The following NCCRP1 variants were observed in gnomAD, a reference collection of about 807,000 sequenced individuals.
NCCRP1 encodes F-box only protein 50.
NCCRP1 carries 32 observed loss-of-function variants against 34.4 expected under a neutral mutation model. That is an observed-to-expected ratio of 0.93 (90% CI 0.70 to 1.25). NCCRP1 has a LOEUF of 1.25. Ranked by LOEUF, NCCRP1 falls within the 50% of genes most tolerant of loss-of-function variation. The pLI is 0.00. For synonymous variants in NCCRP1, 172 were observed against 180.1 expected (o/e 0.95, Z 0.36); for missense variants, 372 against 391.8 (o/e 0.95, Z 0.43).
rs1306710606 is a variant in NCCRP1, at chr19:39,198,194, A to G, written c.401-8A>G. 1.2e-6 allele frequency: 2 copies of G among 1,614,026 alleles called. No individual in the cohort carries two copies. The highest frequency in any genetic ancestry group is 1.7e-5 in the Admixed American group (1 of 59,996). ...GGGTGTCCTAACCCTTTGCTCCCCA[A>G]CCTGCAGGCAATTTCCGTGGCTGGT... On this transcript the variant is annotated splice_polypyrimidine_tract_variant and splice_region_variant and intron_variant, in intron 2 of 5. Coordinates refer to ENST00000339852, the MANE Select transcript of NCCRP1 (RefSeq NM_001001414.2).
At chr19:39,199,107 G>T in intron 3 of NCCRP1, 63 bp from the exon 4 acceptor site, 1 of 1,495,122 alleles carries the variant, frequency 6.7e-7, no homozygotes. Flanking sequence ...CTAAGACAGG[G>T]CTTCCTGCTC....
Position 39,198,116 on chromosome 19 carries a change from GTAA to G in NCCRP1, c.400+2_400+4del. 6.2e-6 allele frequency: 10 copies of G among 1,614,196 alleles called. No homozygotes were observed. The highest frequency in any genetic ancestry group is 8.5e-6 in the Non-Finnish European group (10 of 1,180,030). On this transcript the variant is annotated splice_donor_variant and splice_donor_region_variant and intron_variant, in intron 2 of 5. Transcript: ENST00000339852. LOFTEE classifies it high-confidence loss of function. ...ACCCAGCGACCCCTGGAAACTCTGG[GTAA>G]GTGCTTGGAGGGCCAGGTTGCTGAG...
At position 39,197,306 on chromosome 19, in the gene NCCRP1, G is replaced by T; in HGVS notation, c.324G>T (p.Ser108=). 6.8e-7 allele frequency: 1 copy of T among 1,468,328 alleles called. No homozygotes were observed. The highest frequency in any genetic ancestry group is 8.9e-7 in the Non-Finnish European group (1 of 1,121,332). The allele number at this position is 1,468,328 out of a possible 1,614,324, so 91.0% of individuals were successfully genotyped here. ...RRPLYRNLLR[S]PNPEGINIYE... is the part of the protein sequence containing the mutation. ...CGCTCTACCGCAACCTGCTGCGCTC[G>T]CCCAACCCCGAAGGTGCGCAAGGGC... The change falls in exon 1 of 6, where the codon TCG becomes TCT. Residue 108 remains serine, a synonymous_variant. Coordinates refer to ENST00000339852, the MANE Select transcript of NCCRP1 (RefSeq NM_001001414.2).
At chr19:39,198,864 A>C (rs1278153476) in intron 3 of NCCRP1, among the ~76,000 whole-genome samples, 1 of 152,106 alleles carries the variant, frequency 6.6e-6, no homozygotes, top group Non-Finnish European at 1.5e-5. Context: ...TGCACAGTAG[A>C]TGAGCTGGTG....
rs1406103285 is a variant in NCCRP1, at chr19:39,200,470, G to A, written c.673G>A (p.Gly225Ser). The change falls in exon 5 of 6, where the codon GGC becomes AGC. Residue 225 changes from glycine (G) to serine (S), a missense_variant. Physicochemically the swap from Gly to Ser is moderately conservative, Grantham distance 56. Coordinates refer to ENST00000339852, the MANE Select transcript of NCCRP1 (RefSeq NM_001001414.2). This position sits in a 1 kb window ranked among gnomAD's most constrained non-coding sequence, Gnocchi z 5.8. ...APRTSGRGPP[G>S]RWVQVSHVFR... ...CCGAACTTCTGGGAGAGGACCCCCT[G>A]GCCGCTGGGTCCAGGTGAGACTCTC... 1 of 1,613,376 alleles carries A rather than the reference G, an allele frequency of 6.2e-7. No individual in the cohort carries two copies. Among genetic ancestry groups the A allele is most frequent in the Admixed American group, 1.7e-5 (1 of 60,016 alleles).
At chr19:39,198,903 C>G (rs2074774617) in intron 3 of NCCRP1, among the ~76,000 whole-genome samples, 1 of 152,146 alleles carries the variant, frequency 6.6e-6, no homozygotes, top group South Asian at 2.1e-4. Context: ...TCACACAGGC[C>G]AGGGTTGGGA....
At chr19:39,197,941 T>G (rs927802069) in intron 1 of NCCRP1, 112 bp from the exon 2 acceptor site, 2 of 1,299,688 alleles carry the variant, frequency 1.5e-6, no homozygotes, top group East Asian at 4.6e-5. Context: ...CGGGCTTCCC[T>G]GACCTGGCAC....
At chr19:39,198,929 A>T (rs569592060) in intron 3 of NCCRP1, among the ~76,000 whole-genome samples, 1 of 152,040 alleles carries the variant, frequency 6.6e-6, no homozygotes, top group Admixed American at 6.5e-5. Context: ...GCTCTGCCAC[A>T]TGTTTGCTGC....
rs147663476 is a variant in NCCRP1, at chr19:39,200,417, C to T, written c.620C>T (p.Thr207Met). Reference sequence around the variant, plus strand: ...TGGCTGCTGGCGGCCGACCGCCGCACGGTCATTGCTCAGCACCACGTGGCC... The same window carrying T: ...TGGCTGCTGGCGGCCGACCGCCGCATGGTCATTGCTCAGCACCACGTGGCC... ...HVWLLAADRR[T>M]VIAQHHVAPR... is the part of the protein sequence containing the mutation. The change falls in exon 5 of 6, where the codon ACG (threonine) becomes ATG (methionine). Residue 207 changes from threonine to methionine, a missense_variant. Coordinates refer to ENST00000339852, the MANE Select transcript of NCCRP1 (RefSeq NM_001001414.2). This position sits in a 1 kb window ranked among gnomAD's most constrained non-coding sequence, Gnocchi z 5.8. The T allele has an allele frequency of 1.4e-5, 22 of 1,613,404 alleles. No individual in the cohort carries two copies. The highest frequency in any genetic ancestry group is 8.3e-5 in the Admixed American group (5 of 60,010).
rs1462324219 is a variant in NCCRP1, at chr19:39,197,146, C to T, written c.164C>T (p.Ala55Val). The T allele has an allele frequency of 2.4e-5, 35 of 1,473,252 alleles. No homozygotes were observed. The highest frequency in any genetic ancestry group is 2.8e-5 in the Non-Finnish European group (31 of 1,123,810). 91.3% of individuals were successfully genotyped at this position (1,473,252 alleles called of 1,614,324 possible). A position where few individuals can be genotyped will look rare whatever the true frequency, so the allele number is the denominator to read the frequency against. The part of the protein sequence containing the change: ...PSLPSPAAPE[A>V]PELPEPAQPS... ...CTGCCATCGCCCGCAGCCCCGGAGG[C>T]CCCCGAGCTCCCCGAGCCGGCGCAG... The change falls in exon 1 of 6, where the codon GCC becomes GTC. Residue 55 changes from alanine to valine, a missense_variant. Coordinates refer to ENST00000339852, the MANE Select transcript of NCCRP1 (RefSeq NM_001001414.2).
In NCCRP1 at chr19:39,197,338, C is replaced by A; in HGVS notation, c.337+19C>A. The A allele has an allele frequency of 7.0e-7, 1 of 1,421,004 alleles. No homozygotes were observed. Among genetic ancestry groups the A allele is most frequent in the Non-Finnish European group, 9.1e-7 (1 of 1,098,644 alleles). 88.0% of individuals were successfully genotyped at this position (1,421,004 alleles called of 1,614,324 possible). On this transcript the variant is annotated intron_variant, in intron 1 of 5. Coordinates refer to ENST00000339852, the MANE Select transcript of NCCRP1 (RefSeq NM_001001414.2). ...CCCGAAGGTGCGCAAGGGCCCAGAG[C>A]AGCCAGGAGGCACCACCCTGACCGT... is the stretch of plus-strand genomic sequence containing the variant.
chr19:39,199,509 CTTTTTTTTTT>C (rs150534648), intron 4 of NCCRP1, among the ~76,000 whole-genome samples: 2 of 67,866 alleles, frequency 2.9e-5, no homozygotes, highest in African/African-American at 6.4e-5. Context: ...TTTTTTCTTT[CTTTTTTTTTT>C]TTTTTTTTTT....
rs780196086 is a variant in NCCRP1 at position 39,200,584 on chromosome 19, C to CT, written c.688-31dup. 1 of 1,612,256 alleles carries CT rather than the reference C, an allele frequency of 6.2e-7. No homozygotes were observed. Among genetic ancestry groups the CT allele is most frequent in the Admixed American group, 1.7e-5 (1 of 59,856 alleles). On this transcript the variant is annotated intron_variant, in intron 5 of 5. Transcript: ENST00000339852. This position sits in a 1 kb window ranked among gnomAD's most constrained non-coding sequence, Gnocchi z 5.8. The stretch of plus-strand genomic sequence containing the variant: ...CAGGTCCGCGGGTCCTCAAAAAGGG[C>CT]TCCTCCCTAACCCCAGGTGCTGTCA...
Position 39,200,007 on chromosome 19 carries a change from A to C in NCCRP1, c.549-339A>C, listed in dbSNP as rs2074781032. 1.3e-5 allele frequency among the ~76,000 whole-genome samples: 2 copies of C among 148,622 alleles called. No individual in the cohort carries two copies. The highest frequency in any genetic ancestry group is 3.0e-5 in the Non-Finnish European group (2 of 67,034). On this transcript the variant is annotated intron_variant, in intron 4 of 5. Coordinates refer to ENST00000339852, the MANE Select transcript of NCCRP1 (RefSeq NM_001001414.2). This position sits in a 1 kb window ranked among gnomAD's most constrained non-coding sequence, Gnocchi z 5.8. ...CCCTCTGCCTGGGTCCCCAATTCCGACCCCAACCCCTCTGCCTGTGTCCCC... is the reference window on the plus strand; with the variant it reads ...CCCTCTGCCTGGGTCCCCAATTCCGCCCCCAACCCCTCTGCCTGTGTCCCC...
In NCCRP1 at chr19:39,198,243, C is replaced by G; in HGVS notation, c.442C>G (p.Gln148Glu). The G allele has an allele frequency of 6.2e-7, 1 of 1,614,156 alleles. No homozygotes were observed. The highest frequency in any genetic ancestry group is 8.5e-7 in the Non-Finnish European group (1 of 1,180,032). Reference protein sequence around the residue: ...GWYIRTEKLQQNQSWTVKQQC... With the variant: ...GWYIRTEKLQENQSWTVKQQC... ...GTACATTAGAACTGAAAAGCTCCAG[C>G]AGAACCAAAGGTGAGTCGCCAGGGC... Residue 148 changes from glutamine (Q) to glutamate (E), a missense_variant, in exon 3 of 6, where the codon CAG becomes GAG. Transcript: ENST00000339852.
Position 39,199,206 on chromosome 19 carries a change from C to T in NCCRP1, c.489C>T (p.Ala163=), listed in dbSNP as rs143457682. The change falls in exon 4 of 6, where the codon GCC becomes GCT. Residue 163 remains alanine, a synonymous_variant. Transcript: ENST00000339852. ...TVKQQCVDLL[A]EGLWEELLDD... is the part of the protein sequence containing the mutation. ...AGCAGCAGTGTGTGGACCTTCTGGC[C>T]GAGGGCCTGTGGGAGGAGCTGCTGG... The T allele has an allele frequency of 2.9e-4, 471 of 1,614,066 alleles. 2 individuals are homozygous for T. Among genetic ancestry groups the T allele is most frequent in the South Asian group, 3.5e-4 (32 of 91,078 alleles).
rs534558428 is a variant in NCCRP1, at chr19:39,199,877, G to A, written c.549-469G>A. Reference sequence around the variant, plus strand: ...AAGACCAATTCCTTCTTATTCCTTAGGAGTCACTTCCACATGGCTGCACCA... The same window carrying A: ...AAGACCAATTCCTTCTTATTCCTTAAGAGTCACTTCCACATGGCTGCACCA... On this transcript the variant is annotated intron_variant, in intron 4 of 5. Transcript: ENST00000339852. Among the ~76,000 whole-genome samples the A allele has an allele frequency of 4.3e-4, 66 of 152,034 alleles. 1 individual carries two copies. In the South Asian group the frequency reaches 0.013, roughly 29 times the overall value.
Position 39,200,947 on chromosome 19 carries a change from A to G in NCCRP1, c.*191A>G. On this transcript the variant is annotated 3_prime_UTR_variant, in exon 6 of 6. Coordinates refer to ENST00000339852, the MANE Select transcript of NCCRP1 (RefSeq NM_001001414.2). This position sits in a 1 kb window ranked among gnomAD's most constrained non-coding sequence, Gnocchi z 5.8. Reference sequence around the variant, plus strand: ...GTCTGAGCCCCATGAGGGCGGAGCCACTCCTTGTAAATTCAGTGCCCGACA... The same window carrying G: ...GTCTGAGCCCCATGAGGGCGGAGCCGCTCCTTGTAAATTCAGTGCCCGACA... 1.6e-6 allele frequency: 1 copy of G among 639,428 alleles called. No homozygotes were observed. The highest frequency in any genetic ancestry group is 2.3e-5 in the South Asian group (1 of 44,042). The allele number at this position is 639,428 out of a possible 1,614,324, so 39.6% of individuals were successfully genotyped here.
chr19:39,199,339 C>A, intron 4 of NCCRP1, 74 bp downstream of exon 4: 3 of 1,379,992 alleles, frequency 2.2e-6, no homozygotes, highest in Non-Finnish European at 2.0e-6. Context: ...TTACTCTGAG[C>A]TCCCCTTGCT....
Sources: gnomAD v4.1 joint callset for allele counts (sites outside exome capture counted in the v4.1 genomes callset) on GRCh38, gnomAD v4.1.1 for gene constraint, Gnocchi (gnomAD v3.1) non-coding constraint, MANE v1.5 for transcripts, NCBI Gene and HGNC (gene_info 2026-07-23, HGNC 2026-07-21) for gene names.